Variants in NCALD observed in about 807,000 individuals in gnomAD.
NCALD encodes neurocalcin-delta.
NCALD carries 10 observed loss-of-function variants against 18.6 expected under a neutral mutation model. That is an observed-to-expected ratio of 0.54 (90% CI 0.33 to 0.91). NCALD has a LOEUF of 0.91. Ranked by LOEUF, NCALD falls within the 40% of genes least tolerant of loss-of-function variation. NCALD has a pLI of 0.03. For missense variants in NCALD, 184 were observed against 247.6 expected (o/e 0.74, Z 1.72); for synonymous variants, 88 against 87.4 (o/e 1.01, Z -0.04).
intron 3 of NCALD, among the ~76,000 whole-genome samples, chr8:101,893,245 T>G (rs1315035463): frequency 6.6e-6 from 1 of 151,506 alleles, no homozygotes. Flanking sequence ...AACCCAGAAT[T>G]TCATATCTAG....
chr8:101,865,407 A>G (rs1815727806), intron 4 of NCALD, among the ~76,000 whole-genome samples: 1 of 152,154 alleles, frequency 6.6e-6, no homozygotes. Context: ...GGGGAGAAGG[A>G]GTGTTTTCTC....
rs1028060551 is a variant in NCALD at position 101,970,090 on chromosome 8, T to C, written c.-157+50147A>G. ...GAAAAGCCGCTCCATGAACATTAAG[T>C]AACTTACCTGTAACTTTCCAATCAC... On this transcript the variant is annotated intron_variant, in intron 2 of 6. Transcript: ENST00000311028. Among the ~76,000 whole-genome samples, 13 of 152,228 alleles carry C rather than the reference T, an allele frequency of 8.5e-5. 1 individual carries two copies. Among genetic ancestry groups the C allele is most frequent in the Non-Finnish European group, 1.5e-4 (10 of 68,034 alleles).
intron 1 of NCALD, among the ~76,000 whole-genome samples, chr8:102,100,880 C>A (rs889052480): frequency 2.7e-5 from 4 of 149,730 alleles, no homozygotes; most frequent in Non-Finnish European, 5.9e-5. Flanking sequence ...CGGTGGTCGT[C>A]AGGGGCTGTG....
chr8:101,849,435 A>G (rs1423309821), intron 4 of NCALD, among the ~76,000 whole-genome samples: 1 of 152,214 alleles, frequency 6.6e-6, no homozygotes, highest in East Asian at 1.9e-4. Flanking sequence ...TTGGTTATTT[A>G]TAAGATAAAA....
intron 2 of NCALD, among the ~76,000 whole-genome samples, chr8:101,710,046 G>C (rs1052925075): frequency 6.6e-6 from 1 of 152,242 alleles, no homozygotes; most frequent in Non-Finnish European, 1.5e-5. Context: ...CAGAAGATGG[G>C]TGATTTCTGA....
chr8:102,015,230 C>A (rs2132080052), intron 2 of NCALD, among the ~76,000 whole-genome samples: 1 of 152,166 alleles, frequency 6.6e-6, no homozygotes, highest in Admixed American at 6.5e-5. Flanking sequence ...TCTTTCTCAT[C>A]ACCCTATCTT....
chr8:101,714,043 T>C (rs1815943884), intron 2 of NCALD, among the ~76,000 whole-genome samples: 1 of 152,194 alleles, frequency 6.6e-6, no homozygotes, highest in South Asian at 2.1e-4. Flanking sequence ...TCACACCGAA[T>C]GGGCAAAAGC....
At chr8:101,964,019 A>T (rs1169536371) in intron 2 of NCALD, among the ~76,000 whole-genome samples, 1 of 152,170 alleles carries the variant, frequency 6.6e-6, no homozygotes, top group East Asian at 1.9e-4. Context: ...ATTATTTGTA[A>T]TGAGCTAAAA....
intron 3 of NCALD, among the ~76,000 whole-genome samples, chr8:101,913,143 G>A (rs1320601068): frequency 6.6e-6 from 1 of 152,150 alleles, no homozygotes; most frequent in Non-Finnish European, 1.5e-5. Flanking sequence ...ATAAGCAGAG[G>A]CCCAAGCTGT....
chr8:101,932,728 A>G (rs1263506913), intron 2 of NCALD, among the ~76,000 whole-genome samples: 1 of 152,206 alleles, frequency 6.6e-6, no homozygotes, highest in Non-Finnish European at 1.5e-5. Flanking sequence ...CATTAGAGGT[A>G]CTGAGCACTG....
chr8:101,974,405 C>T (rs185538941), intron 2 of NCALD, among the ~76,000 whole-genome samples: 5 of 152,182 alleles, frequency 3.3e-5, no homozygotes, highest in Admixed American at 2.6e-4. Context: ...GATTACTGCC[C>T]CAAACCCCCT....
chr8:101,738,163 T>C (rs7003041), intron 1 of NCALD, among the ~76,000 whole-genome samples: 103,990 of 152,056 alleles, frequency 0.68, 37,110 homozygotes, highest in Non-Finnish European at 0.79. Flanking sequence ...TTTCTCCTTA[T>C]GTTTTGTTTT....
At chr8:102,103,049 ATGC>A (rs1263275796) in intron 1 of NCALD, among the ~76,000 whole-genome samples, 39 of 152,282 alleles carry the variant, frequency 2.6e-4, no homozygotes, top group Admixed American at 2.4e-3. Context: ...GGATCCAGAT[ATGC>A]TTCTCTTGGG....
intron 2 of NCALD, chr8:101,693,335 T>TTG (rs1814831517): frequency 2.0e-5 from 2 of 101,138 alleles, no homozygotes; most frequent in Non-Finnish European, 4.3e-5. Flanking sequence ...TTTTTTTTTT[T>TTG]TTTTTTTTTT....
At chr8:102,100,563 A>G (rs1410783366) in intron 1 of NCALD, among the ~76,000 whole-genome samples, 1 of 152,242 alleles carries the variant, frequency 6.6e-6, no homozygotes, top group African/African-American at 2.4e-5. Context: ...AAAATCGTCA[A>G]GAAACATAAA....
chr8:101,847,094 T>G (rs1416393825), intron 4 of NCALD, among the ~76,000 whole-genome samples: 1 of 152,218 alleles, frequency 6.6e-6, no homozygotes, highest in Non-Finnish European at 1.5e-5. Context: ...ACACAGTTTT[T>G]ATGAATAAAA....
rs530748147 is a variant in NCALD at position 102,058,482 on chromosome 8, C to T, written c.-209-38193G>A. ...TTTTTCCCCCACAAAGAAAGAAATT[C>T]CTTCTCTAAAATAGTCAATCAACAG... is the stretch of plus-strand genomic sequence containing the variant. On this transcript the variant is annotated intron_variant, in intron 1 of 6. Transcript: ENST00000311028. 7.9e-5 allele frequency among the ~76,000 whole-genome samples: 12 copies of T among 152,320 alleles called. No homozygotes were observed. The South Asian group carries it at 2.5e-3, about 32-fold the overall frequency.
chr8:101,751,720 A>G (rs1810668346), intron 1 of NCALD, among the ~76,000 whole-genome samples: 1 of 152,172 alleles, frequency 6.6e-6, no homozygotes, highest in Admixed American at 6.5e-5. Context: ...AGACCTGGCA[A>G]AGAGCACTTA....
chr8:101,977,941 G>C (rs1563501759), intron 2 of NCALD, among the ~76,000 whole-genome samples: 2 of 152,012 alleles, frequency 1.3e-5, no homozygotes, highest in African/African-American at 4.8e-5. Context: ...ACGGTACATA[G>C]AGCAGGAAAT....
Sources: allele counts gnomAD v4.1 joint callset (sites outside exome capture counted in the v4.1 genomes callset), GRCh38; gene constraint gnomAD v4.1.1; transcripts MANE v1.5; gene names NCBI Gene and HGNC (gene_info 2026-07-23, HGNC 2026-07-21).